Variants in CACNA2D3 observed in about 807,000 individuals in gnomAD.
CACNA2D3 encodes the protein voltage-dependent calcium channel subunit alpha-2/delta-3.
In CACNA2D3, 60 loss-of-function variants were observed where a neutral mutation model predicts 160.6. That is an observed-to-expected ratio of 0.37 (90% CI 0.30 to 0.46). The LOEUF (loss-of-function observed/expected upper bound fraction) is 0.46. CACNA2D3 is among the 20% of genes least tolerant of loss of function. The pLI, the probability that CACNA2D3 is intolerant of heterozygous loss-of-function variation, is 1.00. For synonymous variants in CACNA2D3, 558 were observed against 492.9 expected, an observed-to-expected ratio of 1.13 and a Z score of -1.75; for missense variants, 1,205 against 1,365.0, an observed-to-expected ratio of 0.88 and a Z score of 1.85.
At chr3:54,840,719 A>ATTTTTTTT (rs35529003) in intron 16 of CACNA2D3, among the ~76,000 whole-genome samples, 3 of 85,750 alleles carry the variant, frequency 3.5e-5, no homozygotes, top group African/African-American at 1.4e-4. Flanking sequence ...AAGAGCCATG[A>ATTTTTTTT]TTTTTTTTTT....
At chr3:54,190,898 CT>C (rs1559877057) in intron 2 of CACNA2D3, among the ~76,000 whole-genome samples, 1 of 152,024 alleles carries the variant, frequency 6.6e-6, no homozygotes, top group African/African-American at 2.4e-5. Flanking sequence ...CGTTGGGCCT[CT>C]GTTTTCTCAT....
At chr3:54,434,208 G>C (rs1476667229) in intron 4 of CACNA2D3, among the ~76,000 whole-genome samples, 1 of 152,240 alleles carries the variant, frequency 6.6e-6, no homozygotes, top group East Asian at 1.9e-4. Context: ...ACAAGGCAAT[G>C]CAAGTTGGGG....
At chr3:55,056,735 T>C (rs569486074) in intron 35 of CACNA2D3, among the ~76,000 whole-genome samples, 138 of 152,260 alleles carry the variant, frequency 9.1e-4, no homozygotes, top group African/African-American at 3.2e-3. Context: ...TTCTCACTTA[T>C]ATGTGGAATC....
chr3:54,756,313 G>C (rs920894797), intron 12 of CACNA2D3, among the ~76,000 whole-genome samples: 1 of 152,116 alleles, frequency 6.6e-6, no homozygotes, highest in Non-Finnish European at 1.5e-5. Flanking sequence ...CTTCAAAGTA[G>C]CAATGCCATC....
chr3:54,421,283 C>G (rs377331692), intron 4 of CACNA2D3, among the ~76,000 whole-genome samples: 5 of 152,134 alleles, frequency 3.3e-5, no homozygotes, highest in South Asian at 2.1e-4. Context: ...TTATTGTTTT[C>G]TTGGATGTGC....
intron 2 of CACNA2D3, among the ~76,000 whole-genome samples, chr3:54,151,589 T>A (rs1437975786): frequency 6.6e-6 from 1 of 152,286 alleles, no homozygotes; most frequent in East Asian, 1.9e-4. Flanking sequence ...GCTGGGGCAG[T>A]GAGCAAGGTC....
chr3:54,985,135 C>T (rs566711136), intron 30 of CACNA2D3, among the ~76,000 whole-genome samples: 127 of 152,256 alleles, frequency 8.3e-4, no homozygotes, highest in Middle Eastern at 3.4e-3. Flanking sequence ...TTTTAAAAAT[C>T]AGTTATCTGA....
chr3:54,736,024 CATATATATATGTAT>C (rs1559563489), intron 11 of CACNA2D3, among the ~76,000 whole-genome samples: 33 of 65,190 alleles, frequency 5.1e-4, no homozygotes, highest in Middle Eastern at 6.7e-3. Context: ...TATACACATA[CATATATATATGTAT>C]ATATATACAC....
At chr3:54,323,552 C>T (rs576660403) in intron 3 of CACNA2D3, among the ~76,000 whole-genome samples, 6 of 151,660 alleles carry the variant, frequency 4.0e-5, no homozygotes, top group African/African-American at 7.3e-5. Flanking sequence ...CTGCAAGCTC[C>T]GCCTCCCGGG....
chr3:54,672,468 T>C (rs567620500), intron 11 of CACNA2D3, among the ~76,000 whole-genome samples: 15 of 152,172 alleles, frequency 9.9e-5, no homozygotes, highest in African/African-American at 3.4e-4. Context: ...TCAGAAATGG[T>C]TCTTGTATCC....
intron 14 of CACNA2D3, among the ~76,000 whole-genome samples, chr3:54,836,661 C>G (rs1698697682): frequency 1.3e-5 from 2 of 152,046 alleles, no homozygotes; most frequent in African/African-American, 4.8e-5. Context: ...CATTCAGAGA[C>G]CCAGAGAGGT....
intron 31 of CACNA2D3, among the ~76,000 whole-genome samples, chr3:54,999,988 A>G (rs1451909913): frequency 6.6e-6 from 1 of 152,116 alleles, no homozygotes; most frequent in Non-Finnish European, 1.5e-5. Flanking sequence ...TCAAAGTTCC[A>G]CCATCCATGT....
intron 18 of CACNA2D3, among the ~76,000 whole-genome samples, chr3:54,872,060 G>A (rs1699547543): frequency 6.6e-6 from 1 of 152,198 alleles, no homozygotes; most frequent in Non-Finnish European, 1.5e-5. Flanking sequence ...CATTGGCACA[G>A]CCCTTGTTTT....
intron 24 of CACNA2D3, among the ~76,000 whole-genome samples, chr3:54,889,562 C>T (rs1700006662): frequency 6.6e-6 from 1 of 152,148 alleles, no homozygotes; most frequent in Admixed American, 6.5e-5. Flanking sequence ...TATTTGCTAA[C>T]ACGAGAGACA....
intron 17 of CACNA2D3, among the ~76,000 whole-genome samples, chr3:54,858,242 C>T (rs1699213859): frequency 6.6e-6 from 1 of 152,120 alleles, no homozygotes; most frequent in South Asian, 2.1e-4. Flanking sequence ...AGCTACTAGC[C>T]TCAGCTCAGG....
At chr3:54,213,970 G>A (rs547416606) in intron 2 of CACNA2D3, among the ~76,000 whole-genome samples, 1 of 152,242 alleles carries the variant, frequency 6.6e-6, no homozygotes, top group East Asian at 1.9e-4. Context: ...GTCCACCACT[G>A]GGTCAACCCT....
intron 4 of CACNA2D3, among the ~76,000 whole-genome samples, chr3:54,493,737 T>G (rs546259115): frequency 6.6e-6 from 1 of 152,266 alleles, no homozygotes; most frequent in South Asian, 2.1e-4. Flanking sequence ...TCCTGCTGCC[T>G]GGGTTGACCA....
At chr3:54,410,870 T>C (rs957181906) in intron 4 of CACNA2D3, among the ~76,000 whole-genome samples, 1 of 152,134 alleles carries the variant, frequency 6.6e-6, no homozygotes, top group Admixed American at 6.5e-5. Flanking sequence ...ACAAAGTAAA[T>C]TGAAAAGCTT....
chr3:54,240,709 A>C (rs1701958923), intron 2 of CACNA2D3, among the ~76,000 whole-genome samples: 1 of 152,076 alleles, frequency 6.6e-6, no homozygotes, highest in Non-Finnish European at 1.5e-5. Flanking sequence ...AAACTATCTA[A>C]AAATAAAGTT....
Sources: gnomAD v4.1 joint callset for allele counts (sites outside exome capture counted in the v4.1 genomes callset) on GRCh38, gnomAD v4.1.1 for gene constraint, MANE v1.5 for transcripts, NCBI Gene and HGNC (gene_info 2026-07-23, HGNC 2026-07-21) for gene names.